The following ANGPT4 variants were observed in gnomAD, a reference collection of about 807,000 sequenced individuals.
The protein encoded by ANGPT4 is angiopoietin 4, also known as angiopoietin-4.
ANGPT4 carries 50 observed loss-of-function variants against 53.0 expected under a neutral mutation model. The observed-to-expected ratio is 0.94, with a 90% CI of 0.75 to 1.20. ANGPT4 has a LOEUF of 1.20. Ranked by LOEUF, ANGPT4 falls within the 50% of genes most tolerant of loss-of-function variation. The pLI is 0.00. For synonymous variants in ANGPT4, 251 were observed against 259.7 expected, an observed-to-expected ratio of 0.97 and a Z score of 0.32; for missense variants, 648 against 637.1, an observed-to-expected ratio of 1.02 and a Z score of -0.18.
At chr20:907,768 C>G (rs1982531989) in intron 1 of ANGPT4, among the ~76,000 whole-genome samples, 1 of 152,102 alleles carries the variant, frequency 6.6e-6, no homozygotes, top group Non-Finnish European at 1.5e-5. Flanking sequence ...GCGCCCCTGC[C>G]CACCCCCCAA....
At position 911,860 on chromosome 20, in the gene ANGPT4, GAGAGACAGAGAGAGGGAGAA is replaced by G. The variant is rs1343881912; in HGVS notation, c.309+4026_309+4045del. ...GGAGAGAGGGACAGAGAGAGGGAGA[GAGAGACAGAGAGAGGGAGAA>G]AGAGACAGAGACAGACAGAGATAGA... On this transcript the variant is annotated intron_variant, in intron 1 of 8. Coordinates refer to ENST00000381922, the MANE Select transcript of ANGPT4 (RefSeq NM_015985.4). The surrounding 1 kb of genome is among the most constrained non-coding windows in gnomAD (Gnocchi z 4.9). 3.9e-4 allele frequency among the ~76,000 whole-genome samples: 29 copies of G among 74,252 alleles called. No homozygotes were observed. The highest frequency in any genetic ancestry group is 2.3e-3 in the South Asian group (6 of 2,636). 48.7% of individuals were successfully genotyped at this position (74,252 alleles called of 152,430 possible).
intron 1 of ANGPT4, among the ~76,000 whole-genome samples, chr20:892,588 G>C (rs144172674): frequency 8.1e-6 from 1 of 123,778 alleles, no homozygotes; most frequent in African/African-American, 3.9e-5. Flanking sequence ...GAGTGAGACC[G>C]TGTCTCAAAA....
intron 7 of ANGPT4, among the ~76,000 whole-genome samples, chr20:874,957 C>T (rs1981103811): frequency 6.6e-6 from 1 of 152,172 alleles, no homozygotes; most frequent in Non-Finnish European, 1.5e-5. Flanking sequence ...TGAGCTCAAG[C>T]AGTCTGCCTG....
chr20:905,267 G>C lies in ANGPT4; in HGVS notation c.309+10639C>G, dbSNP rs148276362. 1.9e-4 allele frequency among the ~76,000 whole-genome samples: 29 copies of C among 152,340 alleles called. No homozygotes were observed. The East Asian group carries it at 4.8e-3, about 25-fold the overall frequency. ...TGTCATTTGTCCAATTCCCCCACGA[G>C]AAGAGCCCCAGGAGTGCAGAGGTTT... On this transcript the variant is annotated intron_variant, in intron 1 of 8. Transcript: ENST00000381922.
At chr20:909,002 T>C (rs1982594322) in intron 1 of ANGPT4, among the ~76,000 whole-genome samples, 1 of 152,152 alleles carries the variant, frequency 6.6e-6, no homozygotes, top group Admixed American at 6.5e-5. Flanking sequence ...AGGCTTAGTG[T>C]TCCCATCTGT....
At chr20:902,916 A>G (rs552718146) in intron 1 of ANGPT4, among the ~76,000 whole-genome samples, 41 of 152,086 alleles carry the variant, frequency 2.7e-4, no homozygotes, top group Non-Finnish European at 5.4e-4. Context: ...GTTGACCCCA[A>G]TTATAGATGG....
At chr20:895,043 G>T (rs902802665) in intron 1 of ANGPT4, among the ~76,000 whole-genome samples, 12 of 152,188 alleles carry the variant, frequency 7.9e-5, no homozygotes, top group Admixed American at 5.9e-4. Context: ...GGCCAGATGG[G>T]CTCAGTTAGG....
In ANGPT4 at chr20:885,068, G is replaced by T. The variant is rs747253117; in HGVS notation, c.835+10C>A. 1 of 1,613,406 alleles carries T rather than the reference G, an allele frequency of 6.2e-7. No homozygotes were observed. Among genetic ancestry groups the T allele is most frequent in the Admixed American group, 1.7e-5 (1 of 60,008 alleles). ...CTTTAGCCACACTGGGGCGCACACC[G>T]CTCACTCACCCGGGGCCGAGGCGTT... On this transcript the variant is annotated intron_variant, in intron 4 of 8. Transcript: ENST00000381922.
intron 1 of ANGPT4, among the ~76,000 whole-genome samples, chr20:893,442 G>C (rs1016508112): frequency 6.6e-6 from 1 of 152,110 alleles, no homozygotes; most frequent in African/African-American, 2.4e-5. Context: ...CTTATGCTTT[G>C]ATTTTATGCA....
intron 1 of ANGPT4, among the ~76,000 whole-genome samples, chr20:909,332 T>C (rs1982610392): frequency 6.6e-6 from 1 of 152,138 alleles, no homozygotes; most frequent in Non-Finnish European, 1.5e-5. Context: ...GCTGGAGCAG[T>C]GCCAGGCACA....
chr20:876,026 A>G (rs536560241), intron 7 of ANGPT4, among the ~76,000 whole-genome samples: 1 of 150,796 alleles, frequency 6.6e-6, no homozygotes, highest in African/African-American at 2.4e-5. Flanking sequence ...GCTACTTGGG[A>G]GGCTGAGGTG....
At chr20:902,975 A>G (rs547207431) in intron 1 of ANGPT4, among the ~76,000 whole-genome samples, 2 of 152,302 alleles carry the variant, frequency 1.3e-5, no homozygotes, top group East Asian at 3.9e-4. Context: ...TCACCCATCA[A>G]GTTGCAGATG....
chr20:897,889 G>A (rs1241130592), intron 1 of ANGPT4, among the ~76,000 whole-genome samples: 1 of 152,092 alleles, frequency 6.6e-6, no homozygotes, highest in Non-Finnish European at 1.5e-5. Flanking sequence ...CTGCAATACT[G>A]CTAGGCCCCA....
chr20:908,021 A>G lies in ANGPT4; in HGVS notation c.309+7885T>C, dbSNP rs191255686. ...CTGGTAAAGGAAGATTTTTAACTTA[A>G]TGGCTGAGCTCTTTCTATGTGCCTG... On this transcript the variant is annotated intron_variant, in intron 1 of 8. Transcript: ENST00000381922. The surrounding 1 kb of genome is among the most constrained non-coding windows in gnomAD (Gnocchi z 4.9). Among the ~76,000 whole-genome samples the G allele has an allele frequency of 9.9e-5, 15 of 152,268 alleles. No individual in the cohort carries two copies. Among genetic ancestry groups the G allele is most frequent in the Admixed American group, 2.6e-4 (4 of 15,292 alleles).
At chr20:892,805 G>A (rs1292140039) in intron 1 of ANGPT4, among the ~76,000 whole-genome samples, 3 of 152,096 alleles carry the variant, frequency 2.0e-5, no homozygotes, top group African/African-American at 4.8e-5. Flanking sequence ...TAGCTGGGAC[G>A]ACAGGCGAGC....
In ANGPT4 at chr20:878,157, C is replaced by T. The variant is rs1981244318; in HGVS notation, c.1220+4G>A. On this transcript the variant is annotated splice_donor_region_variant and intron_variant, in intron 7 of 8. Coordinates refer to ENST00000381922, the MANE Select transcript of ANGPT4 (RefSeq NM_015985.4). ...CCCCACAACGGCCTGGGCCCCGAAC[C>T]CACCTGTATAGCTGGTTCTCACTGC... The T allele has an allele frequency of 1.3e-6, 2 of 1,583,578 alleles. No homozygotes were observed. Among genetic ancestry groups the T allele is most frequent in the Admixed American group, 1.7e-5 (1 of 59,448 alleles).
rs539848574 is a variant in ANGPT4, at chr20:908,655, G to A, written c.309+7251C>T. ...ACTAAATCCTTGTCACTTGCATGGCGCCTGGCGCATTGTAAGCCCTCAATA... is the reference window on the plus strand; with the variant it reads ...ACTAAATCCTTGTCACTTGCATGGCACCTGGCGCATTGTAAGCCCTCAATA... On this transcript the variant is annotated intron_variant, in intron 1 of 8. Coordinates refer to ENST00000381922, the MANE Select transcript of ANGPT4 (RefSeq NM_015985.4). This position sits in a 1 kb window ranked among gnomAD's most constrained non-coding sequence, Gnocchi z 4.9. Among the ~76,000 whole-genome samples, 100 of 152,300 alleles carry A rather than the reference G, an allele frequency of 6.6e-4. 1 individual carries two copies. Among genetic ancestry groups the A allele is most frequent in the Admixed American group, 1.1e-3 (17 of 15,304 alleles).
intron 4 of ANGPT4, among the ~76,000 whole-genome samples, chr20:884,575 A>G (rs990587246): frequency 1.3e-5 from 2 of 152,218 alleles, no homozygotes. Context: ...TTGACCCAGA[A>G]GCCAGGGCCA....
intron 1 of ANGPT4, among the ~76,000 whole-genome samples, chr20:912,031 TCA>T (rs2122138923): frequency 6.6e-6 from 1 of 152,062 alleles, no homozygotes; most frequent in African/African-American, 2.4e-5. Context: ...CTCTGGGAGC[TCA>T]GAGACTGGGG....
Sources: gnomAD v4.1 joint callset for allele counts (sites outside exome capture counted in the v4.1 genomes callset) on GRCh38, gnomAD v4.1.1 for gene constraint, Gnocchi (gnomAD v3.1) non-coding constraint, MANE v1.5 for transcripts, NCBI Gene and HGNC (gene_info 2026-07-23, HGNC 2026-07-21) for gene names.